KIAA1217: variants seen among roughly 807,000 people sequenced by gnomAD.
The protein encoded by KIAA1217 is KIAA1217.
A neutral mutation model predicts 163.9 loss-of-function variants in KIAA1217; 88 were observed. That is an observed-to-expected ratio of 0.54 (90% confidence interval 0.45 to 0.64). KIAA1217 has a LOEUF of 0.64. KIAA1217 is among the 30% of genes least tolerant of loss of function. KIAA1217 has a pLI of 0.00. For missense variants in KIAA1217, 2,372 were observed against 2,475.0 expected (o/e 0.96, Z 0.88); for synonymous variants, 903 against 923.1 (o/e 0.98, Z 0.39).
chr10:23,711,458 GAACAGGCAAGA>G (rs903281689), intron 1 of KIAA1217, among the ~76,000 whole-genome samples: 10 of 152,272 alleles, frequency 6.6e-5, no homozygotes, highest in African/African-American at 2.2e-4. Flanking sequence ...CCAGGAGACA[GAACAGGCAAGA>G]AACTAGAGTC....
intron 1 of KIAA1217, among the ~76,000 whole-genome samples, chr10:23,953,529 G>T (rs1390684993): frequency 6.6e-6 from 1 of 152,194 alleles, no homozygotes; most frequent in African/African-American, 2.4e-5. Context: ...CCAAGATATG[G>T]GTAGTGTAGT....
intron 1 of KIAA1217, among the ~76,000 whole-genome samples, chr10:23,800,687 T>C (rs1255100088): frequency 6.6e-6 from 1 of 152,068 alleles, no homozygotes; most frequent in African/African-American, 2.4e-5. Flanking sequence ...AGTGGCATAA[T>C]AGTGTGGCGT....
At chr10:23,767,572 T>A (rs1226802187) in intron 1 of KIAA1217, among the ~76,000 whole-genome samples, 1 of 152,002 alleles carries the variant, frequency 6.6e-6, no homozygotes, top group African/African-American at 2.4e-5. Flanking sequence ...CCCATCTCAT[T>A]TTTTTTAAAA....
intron 2 of KIAA1217, among the ~76,000 whole-genome samples, chr10:24,366,268 A>T (rs549830195): frequency 1.3e-5 from 2 of 152,172 alleles, no homozygotes; most frequent in East Asian, 3.9e-4. Flanking sequence ...AACATGGTTA[A>T]ACCCCATCTC....
intron 5 of KIAA1217, among the ~76,000 whole-genome samples, chr10:24,465,956 G>T (rs925926517): frequency 1.6e-4 from 24 of 152,138 alleles, no homozygotes; most frequent in African/African-American, 5.3e-4. Flanking sequence ...ATTTTCCAGG[G>T]TGATTGCAGT....
At chr10:24,431,352 A>G (rs561769842) in intron 3 of KIAA1217, among the ~76,000 whole-genome samples, 1 of 152,328 alleles carries the variant, frequency 6.6e-6, no homozygotes, top group Admixed American at 6.5e-5. Context: ...TGTTTCAGTT[A>G]TCTGTTTCTG....
chr10:23,868,010 C>G (rs1022060573), intron 1 of KIAA1217, among the ~76,000 whole-genome samples: 6 of 152,030 alleles, frequency 3.9e-5, no homozygotes, highest in African/African-American at 9.7e-5. Context: ...TTTAATCCAT[C>G]TTGAATTAAT....
intron 1 of KIAA1217, among the ~76,000 whole-genome samples, chr10:23,992,605 T>C (rs1846264959): frequency 7.1e-6 from 1 of 140,522 alleles, no homozygotes; most frequent in Non-Finnish European, 1.5e-5. Flanking sequence ...GGGCCATCAT[T>C]TCTTTTTTTT....
At chr10:24,518,030 T>C (rs1413125098) in intron 10 of KIAA1217, among the ~76,000 whole-genome samples, 1 of 152,126 alleles carries the variant, frequency 6.6e-6, no homozygotes, top group African/African-American at 2.4e-5. Flanking sequence ...AAATTGGGTC[T>C]AGATAATTTC....
chr10:24,488,869 G>T (rs868557741), intron 6 of KIAA1217, among the ~76,000 whole-genome samples: 11 of 152,144 alleles, frequency 7.2e-5, no homozygotes, highest in Middle Eastern at 3.2e-3. Context: ...CAGGTAGATT[G>T]CTCCTAGAAA....
intron 2 of KIAA1217, among the ~76,000 whole-genome samples, chr10:24,336,720 C>A (rs1256382478): frequency 6.6e-6 from 1 of 152,170 alleles, no homozygotes; most frequent in African/African-American, 2.4e-5. Context: ...CTATTATGAG[C>A]TTAACAGAGT....
At chr10:24,167,081 G>C (rs1456040112) in intron 2 of KIAA1217, among the ~76,000 whole-genome samples, 1 of 151,926 alleles carries the variant, frequency 6.6e-6, no homozygotes, top group Non-Finnish European at 1.5e-5. Context: ...TTTCCTGAAT[G>C]ATTAAAAAAC....
intron 5 of KIAA1217, chr10:24,466,902 A>G (rs908417636): frequency 9.2e-6 from 5 of 542,234 alleles, no homozygotes; most frequent in Non-Finnish European, 1.2e-5. Context: ...CAAATTCTAG[A>G]CTTGGAAGGG....
At chr10:24,516,818 C>T (rs532549976) in intron 10 of KIAA1217, among the ~76,000 whole-genome samples, 1 of 152,220 alleles carries the variant, frequency 6.6e-6, no homozygotes, top group East Asian at 1.9e-4. Flanking sequence ...TGGTATTCAC[C>T]GTCTAAGACT....
At chr10:23,897,231 G>C (rs1399062665) in intron 1 of KIAA1217, among the ~76,000 whole-genome samples, 1 of 152,016 alleles carries the variant, frequency 6.6e-6, no homozygotes, top group East Asian at 1.9e-4. Context: ...AGTTGGGCAT[G>C]TGATCTTGGG....
intron 2 of KIAA1217, among the ~76,000 whole-genome samples, chr10:24,127,324 G>A (rs1448163289): frequency 1.3e-5 from 2 of 152,060 alleles, no homozygotes; most frequent in East Asian, 3.9e-4. Context: ...TGGGGTTGGG[G>A]AGGGTTTATA....
chr10:24,519,144 AC>A (rs1178268878), intron 10 of KIAA1217, among the ~76,000 whole-genome samples: 2 of 152,178 alleles, frequency 1.3e-5, no homozygotes, highest in African/African-American at 4.8e-5. Context: ...CGCTGGCTCC[AC>A]AATCCGGGCT....
intron 2 of KIAA1217, among the ~76,000 whole-genome samples, chr10:24,366,465 A>G (rs1322569088): frequency 4.6e-5 from 7 of 152,220 alleles, no homozygotes; most frequent in Non-Finnish European, 8.8e-5. Flanking sequence ...AATAAAAATA[A>G]AAATAAAGTC....
At chr10:24,426,418 TCG>T (rs1253601291) in intron 3 of KIAA1217, among the ~76,000 whole-genome samples, 1 of 152,000 alleles carries the variant, frequency 6.6e-6, no homozygotes, top group African/African-American at 2.4e-5. Flanking sequence ...GGTCAGGAGT[TCG>T]AGAACAGCCT....
Sources: allele counts gnomAD v4.1 joint callset (sites outside exome capture counted in the v4.1 genomes callset), GRCh38; gene constraint gnomAD v4.1.1; transcripts MANE v1.5; gene names NCBI Gene and HGNC (gene_info 2026-07-23, HGNC 2026-07-21).